DDX6: variants seen among roughly 807,000 people sequenced by gnomAD.
DDX6 encodes DEAD-box helicase 6, also known as probable ATP-dependent RNA helicase DDX6.
DDX6 carries 7 observed loss-of-function variants against 60.6 expected under a neutral mutation model. The observed-to-expected ratio is 0.12, with a 90% CI of 0.07 to 0.22. DDX6 has a LOEUF of 0.22. Among genes scored for constraint, DDX6 ranks in the 10% least tolerant of loss-of-function variants. The pLI is 1.00. For synonymous variants in DDX6, 207 were observed against 201.0 expected (o/e 1.03, Z -0.25); for missense variants, 270 against 589.9 (o/e 0.46, Z 5.62).
chr11:118,790,712 G>A, intron 1 of DDX6: 1 of 152,798 alleles, frequency 6.5e-6, no homozygotes, highest in Non-Finnish European at 1.5e-5. Flanking sequence ...CCTCTCAGGC[G>A]CTCCCACCCC....
In DDX6 at chr11:118,758,737, G is replaced by A. The variant is rs201433724; in HGVS notation, c.993+37C>T. On this transcript the variant is annotated intron_variant, in intron 9 of 13. Coordinates refer to ENST00000534980, the MANE Select transcript of DDX6 (RefSeq NM_004397.6). ...GAAATCATCTGTTTTACTGGGACTC[G>A]AGAGATAATATTCAACAGCAGAAGC... 2.5e-5 allele frequency: 40 copies of A among 1,608,702 alleles called. 2 individuals are homozygous for A. The South Asian group carries it at 3.8e-4, about 15-fold the overall frequency.
intron 11 of DDX6, 22 bp from the exon 12 acceptor site, chr11:118,755,525 T>C (rs1860936102): frequency 1.5e-6 from 2 of 1,340,548 alleles, no homozygotes; most frequent in Non-Finnish European, 2.1e-6. Flanking sequence ...AAAGATAATT[T>C]TCATTTTTTC....
chr11:118,781,279 G>T (rs560118761), intron 2 of DDX6, 95 bp from the exon 3 acceptor site: 4 of 771,318 alleles, frequency 5.2e-6, no homozygotes, highest in African/African-American at 1.7e-5. Context: ...AAAAAGCACA[G>T]TAAGTTTAAT....
chr11:118,778,409 C>A (rs1555164037), intron 4 of DDX6, among the ~76,000 whole-genome samples: 1 of 152,066 alleles, frequency 6.6e-6, no homozygotes, highest in East Asian at 1.9e-4. Context: ...CTTTAGCATC[C>A]CCCCATTGAT....
intron 7 of DDX6, among the ~76,000 whole-genome samples, chr11:118,762,049 A>G (rs1367559167): frequency 6.6e-6 from 1 of 152,014 alleles, no homozygotes; most frequent in Non-Finnish European, 1.5e-5. Context: ...CTGAGGCAGT[A>G]GGATCACCTG....
chr11:118,762,106 C>G (rs1555160338), intron 7 of DDX6, among the ~76,000 whole-genome samples: 1 of 151,734 alleles, frequency 6.6e-6, no homozygotes, highest in African/African-American at 2.4e-5. Flanking sequence ...AAAACCGCGC[C>G]TCTACTAAAA....
rs1860894929 is a variant in DDX6 at position 118,754,484 on chromosome 11, T to C, written c.*7+221A>G. On this transcript the variant is annotated intron_variant, in intron 13 of 13. Transcript: ENST00000534980. ...ACTCTGAATTTAAGTACTGCTAATCTACCACATTACCCGGGAAGCTGCATT... is the reference window on the plus strand; with the variant it reads ...ACTCTGAATTTAAGTACTGCTAATCCACCACATTACCCGGGAAGCTGCATT... 3 of 454,324 alleles carry C rather than the reference T, an allele frequency of 6.6e-6. No homozygotes were observed. The South Asian group carries it at 1.2e-4, about 18-fold the overall frequency. 28.1% of individuals were successfully genotyped at this position (454,324 alleles called of 1,614,324 possible).
intron 4 of DDX6, among the ~76,000 whole-genome samples, chr11:118,769,616 AAAAAC>A (rs1297856734): frequency 1.3e-5 from 2 of 152,208 alleles, no homozygotes; most frequent in African/African-American, 4.8e-5. Context: ...CACTCTTTGC[AAAAAC>A]AAAACAAACA....
intron 2 of DDX6, among the ~76,000 whole-genome samples, chr11:118,782,095 C>A (rs1182170203): frequency 2.0e-5 from 3 of 152,158 alleles, no homozygotes; most frequent in Non-Finnish European, 4.4e-5. Context: ...TGCCTGTAAT[C>A]CCAGCTACTC....
chr11:118,771,628 G>C (rs575596197), intron 4 of DDX6, among the ~76,000 whole-genome samples: 1 of 152,330 alleles, frequency 6.6e-6, no homozygotes, highest in African/African-American at 2.4e-5. Context: ...AGGCAAAGGA[G>C]GAAGGAAACG....
At chr11:118,756,451 C>T (rs905951175) in intron 10 of DDX6, 128 bp from the exon 11 acceptor site, 12 of 526,996 alleles carry the variant, frequency 2.3e-5, no homozygotes, top group Non-Finnish European at 3.6e-5. Context: ...TATTAAGCTG[C>T]TTTCAAAACC....
In DDX6 at chr11:118,754,763, G is replaced by A. The variant is rs1555158319; in HGVS notation, c.1401C>T (p.Ser467=). ...CGCTGTGGTATTCTGCCACATACAG[G>A]CTCTTATCAATGTTGCTCGGAATAG... ...IKPIPSNIDK[S]LYVAEYHSEP... The change falls in exon 13 of 14, where the codon AGC becomes AGT. Residue 467 remains serine (S), a synonymous_variant. Transcript: ENST00000534980. 1 of 1,613,654 alleles carries A rather than the reference G, an allele frequency of 6.2e-7. No homozygotes were observed. The highest frequency in any genetic ancestry group is 1.1e-5 in the South Asian group (1 of 91,008).
chr11:118,771,548 C>T (rs1861535163), intron 4 of DDX6, among the ~76,000 whole-genome samples: 1 of 152,140 alleles, frequency 6.6e-6, no homozygotes, highest in Non-Finnish European at 1.5e-5. Flanking sequence ...TAATGAAAAG[C>T]AAGAGAATTC....
intron 4 of DDX6, among the ~76,000 whole-genome samples, chr11:118,772,366 A>T (rs782106316): frequency 3.9e-4 from 59 of 152,238 alleles, no homozygotes; most frequent in Non-Finnish European, 6.2e-4. Flanking sequence ...ATGAACTCGG[A>T]AAACATTACG....
intron 4 of DDX6, among the ~76,000 whole-genome samples, chr11:118,777,758 A>G (rs1359583485): frequency 1.3e-5 from 2 of 152,056 alleles, no homozygotes; most frequent in Non-Finnish European, 2.9e-5. Flanking sequence ...GTGTGGTAGC[A>G]CACATCTGTA....
intron 4 of DDX6, among the ~76,000 whole-genome samples, chr11:118,772,544 C>A (rs1179117174): frequency 6.6e-6 from 1 of 152,032 alleles, no homozygotes; most frequent in Non-Finnish European, 1.5e-5. Context: ...TGGGACTGAT[C>A]AAAATGTTCT....
intron 4 of DDX6, among the ~76,000 whole-genome samples, chr11:118,773,525 T>C (rs895578929): frequency 2.6e-5 from 4 of 152,068 alleles, no homozygotes; most frequent in South Asian, 2.1e-4. Context: ...TGAGCCAAGA[T>C]TGCACCACTG....
intron 1 of DDX6, chr11:118,789,026 G>C (rs1305746138): frequency 6.7e-6 from 1 of 150,284 alleles, no homozygotes; most frequent in Non-Finnish European, 1.5e-5. Context: ...ACAAAGACAC[G>C]AAAACAAAGC....
chr11:118,758,742 A>C, intron 9 of DDX6, 32 bp downstream of exon 9: 1 of 1,611,068 alleles, frequency 6.2e-7, no homozygotes, highest in Non-Finnish European at 8.5e-7. Context: ...GACTCGAGAG[A>C]TAATATTCAA....
Sources: allele counts gnomAD v4.1 joint callset (sites outside exome capture counted in the v4.1 genomes callset), GRCh38; gene constraint gnomAD v4.1.1; transcripts MANE v1.5; gene names NCBI Gene and HGNC (gene_info 2026-07-23, HGNC 2026-07-21).